The following CEP57 variants were observed in gnomAD, a reference collection of about 807,000 sequenced individuals.
The protein encoded by CEP57 is centrosomal protein 57.
CEP57 carries 40 observed loss-of-function variants against 68.0 expected under a neutral mutation model. That is an observed-to-expected ratio of 0.59 (90% CI 0.46 to 0.77). The LOEUF is 0.77. Among genes scored for constraint, CEP57 ranks in the 30% least tolerant of loss-of-function variants. CEP57 has a pLI of 0.00. For synonymous variants in CEP57, 219 were observed against 198.7 expected, an observed-to-expected ratio of 1.10 and a Z score of -0.86; for missense variants, 606 against 580.7, an observed-to-expected ratio of 1.04 and a Z score of -0.45.
At chr11:95,820,544 T>TCA (rs1299837424) in intron 6 of CEP57, among the ~76,000 whole-genome samples, 109 of 127,378 alleles carry the variant, frequency 8.6e-4, no homozygotes, top group African/African-American at 3.0e-3. Flanking sequence ...TGAGTTGAGA[T>TCA]CACACCACCT....
At chr11:95,812,395 A>G (rs1049639490) in intron 2 of CEP57, among the ~76,000 whole-genome samples, 1 of 152,084 alleles carries the variant, frequency 6.6e-6, no homozygotes, top group Non-Finnish European at 1.5e-5. Context: ...TTACTTGAGC[A>G]CATTTCAAAC....
intron 2 of CEP57, among the ~76,000 whole-genome samples, chr11:95,800,995 TTCTC>T (rs1318293199): frequency 1.8e-4 from 27 of 152,212 alleles, no homozygotes; most frequent in African/African-American, 6.5e-4. Context: ...GTGTTAATGA[TTCTC>T]TAGGTAAAAG....
chr11:95,809,869 A>C (rs913613040), intron 2 of CEP57, among the ~76,000 whole-genome samples: 5 of 152,208 alleles, frequency 3.3e-5, no homozygotes, highest in Non-Finnish European at 7.3e-5. Context: ...CATCATCCTG[A>C]TACCAAAGCC....
intron 6 of CEP57, among the ~76,000 whole-genome samples, chr11:95,820,632 G>A (rs1862483239): frequency 6.6e-6 from 1 of 150,902 alleles, no homozygotes; most frequent in African/African-American, 2.4e-5. Flanking sequence ...GTGTTGGTGT[G>A]ATCAAATGAG....
rs1338577560 is a variant in CEP57 at position 95,818,885 on chromosome 11, T to C, written c.680T>C (p.Met227Thr). 5 of 1,614,008 alleles carry C rather than the reference T, an allele frequency of 3.1e-6. No individual in the cohort carries two copies. Among genetic ancestry groups the C allele is most frequent in the Admixed American group, 1.7e-5 (1 of 60,026 alleles). Residue 227 changes from methionine (M) to threonine (T), a missense_variant, in exon 6 of 11, where the codon ATG becomes ACG. Transcript: ENST00000325542. The part of the protein sequence containing the change: ...LHEEEQERKR[M>T]QAKAAELQTG... ...GAAGAAGAACAGGAAAGGAAACGCA[T>C]GCAAGCTAAGGCAGCTGAGGTAAGT...
Position 95,798,231 on chromosome 11 carries a change from G to A in CEP57, c.46-1001G>A, listed in dbSNP as rs187430301. On this transcript the variant is annotated intron_variant, in intron 1 of 10. Transcript: ENST00000325542. ...TTTTATATTTATATAAATAGAAAAT[G>A]TTTTATATTTGCTTTCTTAAATCAC... 3.4e-3 allele frequency among the ~76,000 whole-genome samples: 514 copies of A among 152,176 alleles called. 2 individuals carry two copies. Among genetic ancestry groups the A allele is most frequent in the Non-Finnish European group, 6.0e-3 (410 of 67,988 alleles).
At chr11:95,812,112 G>A (rs190107486) in intron 2 of CEP57, among the ~76,000 whole-genome samples, 25 of 152,060 alleles carry the variant, frequency 1.6e-4, no homozygotes, top group Admixed American at 5.9e-4. Flanking sequence ...AACTTGAAGC[G>A]GACTTTAGAA....
In CEP57 at chr11:95,790,570, C is replaced by T. The variant is rs1042633857; in HGVS notation, c.-129C>T. 1.5e-5 allele frequency: 17 copies of T among 1,108,710 alleles called. No individual in the cohort carries two copies. The highest frequency in any genetic ancestry group is 2.6e-5 in the East Asian group (1 of 38,846). The allele number at this position is 1,108,710 out of a possible 1,614,324, so 68.7% of individuals were successfully genotyped here. A position where few individuals can be genotyped will look rare whatever the true frequency, so the allele number is the denominator to read the frequency against. On this transcript the variant is annotated 5_prime_UTR_variant, in exon 1 of 11. Transcript: ENST00000325542. The stretch of plus-strand genomic sequence containing the variant: ...CAGGGGTTTCCAAGCCCAGCACCAG[C>T]ACCCTTGCCCTTTTCCATCAGGGGT...
In CEP57 at chr11:95,817,881, C is replaced by A. The variant is rs757212650; in HGVS notation, c.599C>A (p.Thr200Asn). ...DLLEQEYNKL[T>N]TMQALAEKKM... is the part of the protein sequence containing the mutation. ...CTTGAACAGGAGTATAACAAACTTACCACAATGCAGGCCCTTGCAGAAGTC... is the reference window on the plus strand; with the variant it reads ...CTTGAACAGGAGTATAACAAACTTAACACAATGCAGGCCCTTGCAGAAGTC... Residue 200 changes from threonine to asparagine, a missense_variant, in exon 5 of 11, where the codon ACC becomes AAC. Physicochemically the swap from Thr to Asn is moderately conservative, Grantham distance 65. Transcript: ENST00000325542. 6 of 1,611,968 alleles carry A rather than the reference C, an allele frequency of 3.7e-6. No homozygotes were observed. Among genetic ancestry groups the A allele is most frequent in the Middle Eastern group, 1.7e-4 (1 of 6,052 alleles).
At chr11:95,800,127 C>T (rs892289474) in intron 2 of CEP57, among the ~76,000 whole-genome samples, 1 of 152,120 alleles carries the variant, frequency 6.6e-6, no homozygotes, top group Non-Finnish European at 1.5e-5. Flanking sequence ...TATCTGGGTC[C>T]TCTGTTTAGA....
At chr11:95,828,074 C>A (rs1479429952) in intron 9 of CEP57, 47 bp downstream of exon 9, 6 of 1,566,682 alleles carry the variant, frequency 3.8e-6, no homozygotes, top group Non-Finnish European at 4.3e-6. Flanking sequence ...TCTAAAACCT[C>A]ATTTTTTAAA....
intron 8 of CEP57, chr11:95,827,350 G>A (rs1339116803): frequency 5.5e-6 from 1 of 182,064 alleles, no homozygotes; most frequent in African/African-American, 2.4e-5. Context: ...TGAGAGAGAT[G>A]TAAAAAGTGT....
intron 9 of CEP57, 141 bp from the exon 10 acceptor site, chr11:95,829,041 CAAAAA>C: frequency 1.6e-6 from 1 of 626,280 alleles, no homozygotes; most frequent in Non-Finnish European, 2.6e-6. Flanking sequence ...GACTCCGTCT[CAAAAA>C]AAAAAAAAAA....
At chr11:95,806,553 A>C (rs1046997959) in intron 2 of CEP57, among the ~76,000 whole-genome samples, 1 of 152,120 alleles carries the variant, frequency 6.6e-6, no homozygotes, top group Non-Finnish European at 1.5e-5. Context: ...GGTCTTAGCA[A>C]ACGGCACACC....
intron 8 of CEP57, among the ~76,000 whole-genome samples, chr11:95,825,172 A>C (rs1184987204): frequency 6.6e-6 from 1 of 152,202 alleles, no homozygotes; most frequent in Non-Finnish European, 1.5e-5. Flanking sequence ...AATGCTGTGG[A>C]AGAGAACTTC....
intron 6 of CEP57, among the ~76,000 whole-genome samples, chr11:95,819,643 TATG>T (rs541901215): frequency 7.2e-4 from 109 of 152,344 alleles, no homozygotes; most frequent in Non-Finnish European, 1.3e-3. Flanking sequence ...CTTTTATTTT[TATG>T]ATATTTGCAT....
At chr11:95,791,950 A>G (rs1237500595) in intron 1 of CEP57, among the ~76,000 whole-genome samples, 1 of 152,148 alleles carries the variant, frequency 6.6e-6, no homozygotes, top group Non-Finnish European at 1.5e-5. Context: ...AAGGAACTAG[A>G]AGAGTATCAG....
intron 2 of CEP57, among the ~76,000 whole-genome samples, chr11:95,807,949 A>G (rs1435383721): frequency 6.6e-6 from 1 of 152,360 alleles, no homozygotes; most frequent in East Asian, 1.9e-4. Flanking sequence ...GAAGGAAAAA[A>G]TATTAAGGGC....
At chr11:95,803,204 TA>T (rs1246072931) in intron 2 of CEP57, among the ~76,000 whole-genome samples, 1 of 152,124 alleles carries the variant, frequency 6.6e-6, no homozygotes, top group East Asian at 1.9e-4. Flanking sequence ...GGGGTATGAT[TA>T]GGACAGATGA....
Sources: allele counts gnomAD v4.1 joint callset (sites outside exome capture counted in the v4.1 genomes callset), GRCh38; gene constraint gnomAD v4.1.1; transcripts MANE v1.5; gene names NCBI Gene and HGNC (gene_info 2026-07-23, HGNC 2026-07-21).